LTBP1: variants seen among roughly 807,000 people sequenced by gnomAD.
The protein encoded by LTBP1 is latent-transforming growth factor beta-binding protein 1.
In LTBP1, 129 loss-of-function variants were observed where a neutral mutation model predicts 207.6. The ratio of observed to expected loss-of-function variants is 0.62; its 90% confidence interval spans 0.54 to 0.72. LTBP1 has a LOEUF of 0.72. Among genes scored for constraint, LTBP1 ranks in the 30% least tolerant of loss-of-function variants. The pLI, the probability that LTBP1 is intolerant of heterozygous loss-of-function variation, is 0.00. For missense variants in LTBP1, 2,281 were observed against 2,217.2 expected (o/e 1.03, Z -0.58); for synonymous variants, 963 against 833.7 (o/e 1.16, Z -2.67).
intron 31 of LTBP1, among the ~76,000 whole-genome samples, chr2:33,380,450 C>T (rs112513333): frequency 0.01 from 1,498 of 148,642 alleles, 30 homozygotes; most frequent in African/African-American, 0.036. Context: ...ATTAGCTGGG[C>T]GTGATGGCAC....
Position 33,252,610 on chromosome 2 carries a change from T to G in LTBP1, c.2000-67T>G, listed in dbSNP as rs919437270. The G allele has an allele frequency of 3.0e-5, 43 of 1,433,200 alleles. 2 individuals are homozygous for G. In the Middle Eastern group the frequency reaches 7.4e-4, roughly 25 times the overall value. The allele number at this position is 1,433,200 out of a possible 1,614,324, so 88.8% of individuals were successfully genotyped here. Reference sequence around the variant, plus strand: ...ATTCATACCTTAGGGTTCATTTTACTATCATTTGGAAAGCCAATGTAGTTT... The same window carrying G: ...ATTCATACCTTAGGGTTCATTTTACGATCATTTGGAAAGCCAATGTAGTTT... On this transcript the variant is annotated intron_variant, in intron 10 of 33. Coordinates refer to ENST00000404816, the MANE Select transcript of LTBP1 (RefSeq NM_206943.4).
At chr2:32,997,793 A>T (rs886150826) in intron 2 of LTBP1, among the ~76,000 whole-genome samples, 2 of 151,944 alleles carry the variant, frequency 1.3e-5, no homozygotes, top group African/African-American at 4.8e-5. Flanking sequence ...GGAGAACACA[A>T]TTCTAGTTGT....
chr2:33,262,632 A>G (rs2093049883), intron 13 of LTBP1, 90 bp from the exon 14 acceptor site: 1 of 570,186 alleles, frequency 1.8e-6, no homozygotes. Context: ...AATTAATTAC[A>G]TAAAAATAGT....
intron 27 of LTBP1, 40 bp downstream of exon 27, chr2:33,360,819 G>A: frequency 6.4e-7 from 1 of 1,573,560 alleles, no homozygotes; most frequent in Non-Finnish European, 8.7e-7. Context: ...CTTGTGTTTG[G>A]TCACATGGTG....
At chr2:33,347,117 C>CA (rs775058448) in intron 25 of LTBP1, among the ~76,000 whole-genome samples, 8,452 of 46,660 alleles carry the variant, frequency 0.18, 675 homozygotes, top group African/African-American at 0.23. Flanking sequence ...GACTCCGTCT[C>CA]AAAAAAAAAA....
chr2:33,012,706 T>A (rs1687839036), intron 2 of LTBP1, among the ~76,000 whole-genome samples: 1 of 152,160 alleles, frequency 6.6e-6, no homozygotes. Context: ...AAAGATAACA[T>A]GGATGGGATT....
chr2:33,275,954 G>A, intron 18 of LTBP1, 31 bp downstream of exon 18: 1 of 1,543,688 alleles, frequency 6.5e-7, no homozygotes, highest in Non-Finnish European at 8.7e-7. Context: ...CAGCACACAT[G>A]ACGGTGATGT....
intron 9 of LTBP1, among the ~76,000 whole-genome samples, chr2:33,228,837 C>CT (rs907872306): frequency 3.3e-5 from 5 of 151,052 alleles, no homozygotes; most frequent in African/African-American, 1.2e-4. Flanking sequence ...GTAGCTGGGA[C>CT]TACAAGCACA....
chr2:33,138,921 C>G (rs557801953), intron 5 of LTBP1, among the ~76,000 whole-genome samples: 51 of 126,810 alleles, frequency 4.0e-4, no homozygotes, highest in Middle Eastern at 6.2e-3. Flanking sequence ...TGCAGTGGCG[C>G]GATCTCGGCT....
chr2:33,137,784 A>G (rs1013916928), intron 5 of LTBP1, among the ~76,000 whole-genome samples: 2 of 152,126 alleles, frequency 1.3e-5, no homozygotes, highest in African/African-American at 4.8e-5. Flanking sequence ...TTAGGTTCAG[A>G]GTGTTAATTA....
chr2:32,995,761 C>G (rs1685168526), intron 2 of LTBP1, among the ~76,000 whole-genome samples: 1 of 152,188 alleles, frequency 6.6e-6, no homozygotes, highest in African/African-American at 2.4e-5. Flanking sequence ...TGCACTCCAG[C>G]CTGGGCAACA....
chr2:33,060,654 T>A (rs2077223775), intron 3 of LTBP1, among the ~76,000 whole-genome samples: 1 of 115,564 alleles, frequency 8.7e-6, no homozygotes, highest in Admixed American at 8.5e-5. Context: ...TTCAGATCTG[T>A]GTGTGTGTGT....
At chr2:33,003,229 A>G (rs1198925846) in intron 2 of LTBP1, among the ~76,000 whole-genome samples, 2 of 152,174 alleles carry the variant, frequency 1.3e-5, no homozygotes, top group African/African-American at 4.8e-5. Flanking sequence ...GTAGAAAGAC[A>G]TTTTGAGAGC....
intron 22 of LTBP1, among the ~76,000 whole-genome samples, chr2:33,308,237 C>T (rs1416755906): frequency 4.6e-5 from 7 of 152,166 alleles, no homozygotes; most frequent in Admixed American, 4.6e-4. Flanking sequence ...AAGATCTGCT[C>T]GCATTCATGC....
At chr2:33,105,904 T>C (rs1211644183) in intron 3 of LTBP1, among the ~76,000 whole-genome samples, 1 of 152,220 alleles carries the variant, frequency 6.6e-6, no homozygotes, top group Non-Finnish European at 1.5e-5. Context: ...CATGCAGTGC[T>C]GTTTGATAGC....
At chr2:33,095,972 T>C (rs2079363269) in intron 3 of LTBP1, among the ~76,000 whole-genome samples, 1 of 152,072 alleles carries the variant, frequency 6.6e-6, no homozygotes, top group African/African-American at 2.4e-5. Context: ...TTTAAAGAGA[T>C]AGTATTAGAC....
intron 3 of LTBP1, among the ~76,000 whole-genome samples, chr2:33,089,527 C>T (rs1173015002): frequency 6.6e-6 from 1 of 152,146 alleles, no homozygotes; most frequent in African/African-American, 2.4e-5. Flanking sequence ...CACAAGATAG[C>T]CCCCTACAAC....
At chr2:33,038,031 T>C (rs1344143626) in intron 3 of LTBP1, among the ~76,000 whole-genome samples, 1 of 152,236 alleles carries the variant, frequency 6.6e-6, no homozygotes, top group Non-Finnish European at 1.5e-5. Flanking sequence ...AGATCCTGTT[T>C]TAAGGAGGAT....
chr2:33,305,672 C>T (rs1202738631), intron 22 of LTBP1, among the ~76,000 whole-genome samples: 1 of 152,052 alleles, frequency 6.6e-6, no homozygotes, highest in African/African-American at 2.4e-5. Flanking sequence ...AGTTCTAGGC[C>T]ATGAAATTAA....
Sources: allele counts gnomAD v4.1 joint callset (sites outside exome capture counted in the v4.1 genomes callset), GRCh38; gene constraint gnomAD v4.1.1; transcripts MANE v1.5; gene names NCBI Gene and HGNC (gene_info 2026-07-23, HGNC 2026-07-21).